PHF19: variants seen among roughly 807,000 people sequenced by gnomAD.
PHF19 encodes the protein PHD finger protein 19.
A neutral mutation model predicts 79.8 loss-of-function variants in PHF19; 21 were observed. That is an observed-to-expected ratio of 0.26 (90% CI 0.19 to 0.38). PHF19 has a LOEUF of 0.38. Ranked by LOEUF, PHF19 falls within the 10% of genes least tolerant of loss-of-function variation. PHF19 has a pLI of 1.00. For missense variants in PHF19, 445 were observed against 744.2 expected, an observed-to-expected ratio of 0.60 and a Z score of 4.68; for synonymous variants, 273 against 296.3, an observed-to-expected ratio of 0.92 and a Z score of 0.81.
rs2045487032 is a variant in PHF19, at chr9:120,860,420, CAAT to C, written c.1305-238_1305-236del. On this transcript the variant is annotated intron_variant, in intron 13 of 14. Coordinates refer to ENST00000373896, the MANE Select transcript of PHF19 (RefSeq NM_015651.3). This position sits in a 1 kb window ranked among gnomAD's most constrained non-coding sequence, Gnocchi z 4.1. ...CTGGCGGTGACGTAAGCACTGGTGT[CAAT>C]AACTCGAGCGTGATCCAAGGCACCT... 1 of 508,094 alleles carries C rather than the reference CAAT, an allele frequency of 2.0e-6. No homozygotes were observed. The highest frequency in any genetic ancestry group is 3.6e-5 in the East Asian group (1 of 28,098). 31.5% of individuals were successfully genotyped at this position (508,094 alleles called of 1,614,324 possible). A position where few individuals can be genotyped will look rare whatever the true frequency, so the allele number is the denominator to read the frequency against.
the PHF19 span, chr9:120,903,139 T>C: frequency 8.5e-5 from 13 of 152,356 alleles, no homozygotes; most frequent in East Asian, 2.3e-3. Context: ...GACATCCAGC[T>C]GTCAGCAGGA....
At chr9:120,858,860 G>A (rs2045431069) in intron 14 of PHF19, among the ~76,000 whole-genome samples, 1 of 93,204 alleles carries the variant, frequency 1.1e-5, no homozygotes, top group East Asian at 3.6e-4. Context: ...CACACACACG[G>A]GTGTTAGAGA....
At chr9:120,902,487 GTGC>G in the PHF19 span, 1 of 140,322 alleles carries the variant, frequency 7.1e-6, no homozygotes, top group Admixed American at 7.3e-5. Flanking sequence ...TTACCAGCAG[GTGC>G]TCTGTGGGCA....
Position 120,860,936 on chromosome 9 carries a change from G to C in PHF19, c.1304+153C>G. The C allele has an allele frequency of 1.6e-6, 1 of 622,962 alleles. No homozygotes were observed. 38.6% of individuals were successfully genotyped at this position (622,962 alleles called of 1,614,324 possible). ...GAAGAGGGGAGGGCTGTGGTGCTCT[G>C]GGAACAGGGATGTTATGCTGAAAGC... On this transcript the variant is annotated intron_variant, in intron 13 of 14. Coordinates refer to ENST00000373896, the MANE Select transcript of PHF19 (RefSeq NM_015651.3). This position sits in a 1 kb window ranked among gnomAD's most constrained non-coding sequence, Gnocchi z 4.1.
At chr9:120,868,846 G>C (rs1180647091) in intron 6 of PHF19, 6 of 1,072,794 alleles carry the variant, frequency 5.6e-6, no homozygotes, top group Non-Finnish European at 6.8e-6. Context: ...AACCCGCCAG[G>C]CCCGCCTCCC....
chr9:120,860,492 T>C lies in PHF19; in HGVS notation c.1305-307A>G, dbSNP rs992712275. The C allele has an allele frequency of 2.9e-5, 11 of 374,546 alleles. No homozygotes were observed. The highest frequency in any genetic ancestry group is 2.3e-4 in the African/African-American group (11 of 48,236). The allele number at this position is 374,546 out of a possible 1,614,324, so 23.2% of individuals were successfully genotyped here. The stretch of plus-strand genomic sequence containing the variant: ...CAAAAGTGCTTTCATTTGCATTATC[T>C]TGTTTGAGGAAAAGAGCTGAGGAGG... On this transcript the variant is annotated intron_variant, in intron 13 of 14. Coordinates refer to ENST00000373896, the MANE Select transcript of PHF19 (RefSeq NM_015651.3). The surrounding 1 kb of genome is among the most constrained non-coding windows in gnomAD (Gnocchi z 4.1).
intron 12 of PHF19, 58 bp from the exon 13 acceptor site, chr9:120,861,232 C>A: frequency 1.0e-6 from 1 of 980,318 alleles, no homozygotes; most frequent in South Asian, 1.3e-5. Flanking sequence ...ATCCACCTCC[C>A]ACACAGGCTG....
chr9:120,872,130 G>A (rs1049484759), intron 3 of PHF19, among the ~76,000 whole-genome samples: 2 of 148,738 alleles, frequency 1.3e-5, no homozygotes, highest in African/African-American at 4.9e-5. Context: ...TGTAACAGGT[G>A]TTCCAAGACG....
chr9:120,885,457 A>G (rs968109285), intron 1 of PHF19, among the ~76,000 whole-genome samples: 1 of 152,100 alleles, frequency 6.6e-6, no homozygotes, highest in Non-Finnish European at 1.5e-5. Flanking sequence ...GTGCGCCTGT[A>G]ATCCCAGCTA....
chr9:120,882,556 C>G (rs1376985590), intron 1 of PHF19, among the ~76,000 whole-genome samples: 3 of 152,090 alleles, frequency 2.0e-5, no homozygotes, highest in African/African-American at 7.2e-5. Flanking sequence ...TGAAAGTGCT[C>G]TACAGCCAGG....
In PHF19 at chr9:120,858,271, G is replaced by A. The variant is rs1161588063; in HGVS notation, c.1416C>T (p.Ser472=). The A allele has an allele frequency of 5.8e-6, 9 of 1,538,620 alleles. No homozygotes were observed. The East Asian group carries it at 1.8e-4, about 31-fold the overall frequency. Residue 472 remains serine (S), a synonymous_variant, in exon 15 of 15, where the codon AGC becomes AGT. Transcript: ENST00000373896. The part of the protein sequence containing the change: ...LSYDSRWTVG[S]RKRKLAAKAY... ...CCTTGGCTGCCAGCTTCCTCTTTCG[G>A]CTGCCCACTGTCCATCTGTATCAGA...
rs566577939 is a variant in PHF19, at chr9:120,891,729, T to C, written c.42+3059A>G. ...CTGAGTCAGTAGCATTGAGCAGCTG[T>C]ATAGTCCCCCACAGGCCCCACCCAG... On this transcript the variant is annotated intron_variant, in intron 1 of 14. Transcript: ENST00000616568. The surrounding 1 kb of genome is among the most constrained non-coding windows in gnomAD (Gnocchi z 4.3). Among the ~76,000 whole-genome samples the C allele has an allele frequency of 4.5e-4, 68 of 152,284 alleles. No homozygotes were observed. The highest frequency in any genetic ancestry group is 1.5e-3 in the African/African-American group (64 of 41,558).
rs1348600693 is a variant in PHF19, at chr9:120,861,109, A to G, written c.1284T>C (p.Asp428=). 1.9e-6 allele frequency: 3 copies of G among 1,606,800 alleles called. No homozygotes were observed. Among genetic ancestry groups the G allele is most frequent in the South Asian group, 1.1e-5 (1 of 90,924 alleles). ...GATACCTTTTTAAACTTTGAATTTC[A>G]TCCAGCGTGAAGTCAAATATGCTAG... ...HLASIFDFTL[D]EIQSLKSASS... The change falls in exon 13 of 15, where the codon GAT becomes GAC. Residue 428 remains aspartate (D), a synonymous_variant. Transcript: ENST00000373896.
intron 6 of PHF19, among the ~76,000 whole-genome samples, chr9:120,867,691 G>A (rs183753797): frequency 6.6e-6 from 1 of 152,336 alleles, no homozygotes; most frequent in East Asian, 1.9e-4. Flanking sequence ...TTCTCCATCT[G>A]ACAATACTTG....
In PHF19 at chr9:120,862,868, T is replaced by G; in HGVS notation, c.969-119A>C. On this transcript the variant is annotated intron_variant, in intron 10 of 14. Coordinates refer to ENST00000373896, the MANE Select transcript of PHF19 (RefSeq NM_015651.3). This position sits in a 1 kb window ranked among gnomAD's most constrained non-coding sequence, Gnocchi z 4.6. Reference sequence around the variant, plus strand: ...CTTGGACCCAGAGCTAAAATCCGGATGGTCTCTGCAGATGCTGACTTCCTC... The same window carrying G: ...CTTGGACCCAGAGCTAAAATCCGGAGGGTCTCTGCAGATGCTGACTTCCTC... 6.4e-6 allele frequency: 6 copies of G among 941,420 alleles called. No individual in the cohort carries two copies. The highest frequency in any genetic ancestry group is 1.6e-5 in the African/African-American group (1 of 61,790). The allele number at this position is 941,420 out of a possible 1,614,324, so 58.3% of individuals were successfully genotyped here. A position where few individuals can be genotyped will look rare whatever the true frequency, so the allele number is the denominator to read the frequency against.
At chr9:120,890,531 C>T (rs1010685398) in intron 1 of PHF19, among the ~76,000 whole-genome samples, 3 of 152,212 alleles carry the variant, frequency 2.0e-5, no homozygotes, top group South Asian at 4.1e-4. Context: ...CAGGAGGACT[C>T]GCTCCTAATT....
intron 1 of PHF19, among the ~76,000 whole-genome samples, chr9:120,882,855 A>AG (rs1177217166): frequency 6.6e-6 from 1 of 151,498 alleles, no homozygotes; most frequent in Admixed American, 6.6e-5. Context: ...AAAAAAAAAA[A>AG]AAAAGAAAGA....
In PHF19 at chr9:120,884,181, T is replaced by C. The variant is rs79535050; in HGVS notation, c.43-9425A>G. Among the ~76,000 whole-genome samples, 1,455 of 152,308 alleles carry C rather than the reference T, an allele frequency of 9.6e-3. 27 individuals are homozygous for C. Among genetic ancestry groups the C allele is most frequent in the African/African-American group, 0.033 (1,373 of 41,566 alleles). Reference sequence around the variant, plus strand: ...AATTAGGTCTACATACTACATTCAATTAGAGATTTTGATTGATATGATTAA... The same window carrying C: ...AATTAGGTCTACATACTACATTCAACTAGAGATTTTGATTGATATGATTAA... On this transcript the variant is annotated intron_variant, in intron 1 of 14. Coordinates refer to the PHF19 transcript ENST00000616568.
At chr9:120,897,978 CAA>C (rs577932181), upstream of PHF19, among the ~76,000 whole-genome samples, 18,195 of 99,256 alleles carry the variant, frequency 0.18, 1,890 homozygotes, top group African/African-American at 0.43. Context: ...GACCCCGTCT[CAA>C]AAAAAAAAAA....
Sources: allele counts gnomAD v4.1 joint callset (sites outside exome capture counted in the v4.1 genomes callset), GRCh38; gene constraint gnomAD v4.1.1; non-coding constraint Gnocchi (gnomAD v3.1); transcripts MANE v1.5; gene names NCBI Gene and HGNC (gene_info 2026-07-23, HGNC 2026-07-21).